The following ANKRD30A variants were observed in gnomAD, a reference collection of about 807,000 sequenced individuals.
ANKRD30A encodes ankyrin repeat domain-containing protein 30A.
A neutral mutation model predicts 166.3 loss-of-function variants in ANKRD30A; 170 were observed. That is an observed-to-expected ratio of 1.02 (90% CI 0.90 to 1.16). The LOEUF is 1.16. ANKRD30A is among the 50% of genes most tolerant of loss of function. The pLI, the probability that ANKRD30A is intolerant of heterozygous loss-of-function variation, is 0.00. For missense variants in ANKRD30A, 1,630 were observed against 1,518.0 expected (o/e 1.07, Z -1.23); for synonymous variants, 564 against 508.9 (o/e 1.11, Z -1.46).
intron 27 of ANKRD30A, among the ~76,000 whole-genome samples, chr10:37,194,314 C>G (rs1194983689): frequency 6.6e-6 from 1 of 151,934 alleles, no homozygotes; most frequent in Admixed American, 6.6e-5. Flanking sequence ...CAATTTTCTT[C>G]CTTTTTTTTG....
chr10:37,231,679 C>T lies in ANKRD30A; in HGVS notation c.*210C>T, dbSNP rs561686212. 2.2e-5 allele frequency: 8 copies of T among 364,374 alleles called. No homozygotes were observed. The South Asian group carries it at 6.0e-4, about 27-fold the overall frequency. The allele number at this position is 364,374 out of a possible 1,614,324, so 22.6% of individuals were successfully genotyped here. ...AACAGTGTGAAGAATTACTTGTTCA[C>T]GGTTAGTTATATTATCTGTCTTCCT... On this transcript the variant is annotated splice_region_variant and 3_prime_UTR_variant, in exon 35 of 36. Transcript: ENST00000361713.
intron 32 of ANKRD30A, 125 bp downstream of exon 32, chr10:37,216,519 G>C: frequency 2.3e-6 from 2 of 861,798 alleles, no homozygotes; most frequent in South Asian, 2.2e-5. Context: ...GTCTTGTAGA[G>C]TGTCAAATTC....
chr10:37,217,753 A>C lies in ANKRD30A; in HGVS notation c.3142A>C (p.Ile1048Leu). The change falls in exon 33 of 36, where the codon ATT (isoleucine) becomes CTT (leucine). Residue 1048 changes from isoleucine (I) to leucine (L), a missense_variant. This residue lies in a region of ANKRD30A where 712 missense variants were observed against 629.3 expected (regional missense o/e 1.13). Transcript: ENST00000361713. Reference protein sequence around the residue: ...RRNADILNEKIREELGRIEEQ... With the variant: ...RRNADILNEKLREELGRIEEQ... ...AAATGCCGATATATTAAATGAAAAA[A>C]TTAGGGAAGAATTAGGAAGAATCGA... 6.3e-7 allele frequency: 1 copy of C among 1,595,394 alleles called. No homozygotes were observed. Among genetic ancestry groups the C allele is most frequent in the Non-Finnish European group, 8.5e-7 (1 of 1,171,560 alleles).
In ANKRD30A at chr10:37,162,314, A is replaced by G. The variant is rs571867786; in HGVS notation, c.1901-335A>G. On this transcript the variant is annotated intron_variant, in intron 15 of 35. Coordinates refer to ENST00000361713, the MANE Select transcript of ANKRD30A (RefSeq NM_052997.3). ...TAAAGAACAGGATGAATGGAATAATATAAGTGATTCTAATGTGTTTCATTA... is the reference window on the plus strand; with the variant it reads ...TAAAGAACAGGATGAATGGAATAATGTAAGTGATTCTAATGTGTTTCATTA... Among the ~76,000 whole-genome samples the G allele has an allele frequency of 8.5e-5, 13 of 152,286 alleles. 1 individual carries two copies. Among genetic ancestry groups the G allele is most frequent in the African/African-American group, 3.1e-4 (13 of 41,556 alleles).
chr10:37,193,379 A>C, intron 27 of ANKRD30A, 121 bp downstream of exon 27: 1 of 1,243,380 alleles, frequency 8.0e-7, no homozygotes, highest in Non-Finnish European at 1.1e-6. Flanking sequence ...ATTTCGATAC[A>C]AATAATGCCA....
chr10:37,140,790 T>C (rs1450692138), intron 6 of ANKRD30A, among the ~76,000 whole-genome samples: 1 of 152,198 alleles, frequency 6.6e-6, no homozygotes, highest in Admixed American at 6.5e-5. Flanking sequence ...TAATGCATTG[T>C]ACAATATGAA....
the ANKRD30A span, chr10:37,241,962 A>G: frequency 3.9e-5 from 6 of 152,326 alleles, no homozygotes; most frequent in Middle Eastern, 6.8e-3. Context: ...TATTCCTACA[A>G]GTCAGGACAT....
Position 37,125,875 on chromosome 10 carries a change from GACTCCTACATCGTCC to G in ANKRD30A, c.93_107del (p.Tyr32_Ser36del), listed in dbSNP as rs1314237155. The stretch of plus-strand genomic sequence containing the variant: ...CAGCCAGCTAGTCTATACCAGCAAC[GACTCCTACATCGTCC>G]ACTCTGGGGATCTTAGAAAGATCCA... On this transcript the variant is annotated inframe_deletion, in exon 1 of 36. Coordinates refer to ENST00000361713, the MANE Select transcript of ANKRD30A (RefSeq NM_052997.3). 1.3e-6 allele frequency: 2 copies of G among 1,505,114 alleles called. No homozygotes were observed. Among genetic ancestry groups the G allele is most frequent in the African/African-American group, 2.8e-5 (2 of 72,412 alleles). The allele number at this position is 1,505,114 out of a possible 1,614,324, so 93.2% of individuals were successfully genotyped here. A position where few individuals can be genotyped will look rare whatever the true frequency, so the allele number is the denominator to read the frequency against.
chr10:37,178,018 A>T (rs1186095325), intron 24 of ANKRD30A, among the ~76,000 whole-genome samples: 1 of 150,762 alleles, frequency 6.6e-6, no homozygotes, highest in Non-Finnish European at 1.5e-5. Context: ...GAAAGAAGAA[A>T]GTAGTAATAG....
chr10:37,192,589 C>A (rs1276779383), intron 25 of ANKRD30A, among the ~76,000 whole-genome samples: 1 of 152,004 alleles, frequency 6.6e-6, no homozygotes, highest in Non-Finnish European at 1.5e-5. Flanking sequence ...TTCCTAAACT[C>A]CAGGACAAAT....
In ANKRD30A at chr10:37,179,013, AATATATATATATATATAT is replaced by A. The variant is rs139390228; in HGVS notation, c.2421+2829_2421+2846del. Among the ~76,000 whole-genome samples the A allele has an allele frequency of 3.6e-3, 426 of 116,806 alleles. 2 individuals are homozygous for A. Among genetic ancestry groups the A allele is most frequent in the African/African-American group, 7.0e-3 (220 of 31,346 alleles). 76.6% of individuals were successfully genotyped at this position (116,806 alleles called of 152,430 possible). A position where few individuals can be genotyped will look rare whatever the true frequency, so the allele number is the denominator to read the frequency against. On this transcript the variant is annotated intron_variant, in intron 24 of 35. Transcript: ENST00000361713. ...TTTTCTTTATTACTATGAGGCGTCA[AATATATATATATATATAT>A]ATATATATATATATATATATATATA...
chr10:37,239,655 C>T, the ANKRD30A span, among the ~76,000 whole-genome samples: 3 of 152,216 alleles, frequency 2.0e-5, no homozygotes, highest in South Asian at 6.2e-4. Flanking sequence ...GAATTAAATT[C>T]TCTAACCTTT....
intron 31 of ANKRD30A, among the ~76,000 whole-genome samples, chr10:37,210,104 C>T (rs780712435): frequency 7.9e-5 from 12 of 151,932 alleles, no homozygotes; most frequent in South Asian, 2.1e-4. Context: ...CTAATGCTAC[C>T]CCTCCCCCAG....
the ANKRD30A span, among the ~76,000 whole-genome samples, chr10:37,252,003 G>T: frequency 7.2e-5 from 11 of 152,116 alleles, no homozygotes; most frequent in African/African-American, 2.7e-4. Context: ...AGGAACCCAA[G>T]TCCATTAAGA....
Position 37,149,835 on chromosome 10 carries a change from A to G in ANKRD30A, c.1631A>G (p.Gln544Arg). 6.2e-7 allele frequency: 1 copy of G among 1,612,794 alleles called. No individual in the cohort carries two copies. Among genetic ancestry groups the G allele is most frequent in the African/African-American group, 1.3e-5 (1 of 75,006 alleles). ...AAAGCCTTTGAATTGAAGAATGAAC[A>G]AACATTGAGAGCAGGTAAATTTTTC... ...PNKAFELKNE[Q>R]TLRADPMFPP... The change falls in exon 11 of 36, where the codon CAA becomes CGA. Residue 544 changes from glutamine to arginine, a missense_variant. Gln to Arg is a conservative substitution (Grantham distance 43, BLOSUM62 1). Coordinates refer to ENST00000361713, the MANE Select transcript of ANKRD30A (RefSeq NM_052997.3).
rs549172770 is a variant in ANKRD30A at position 37,161,257 on chromosome 10, T to C, written c.1901-1392T>C. Among the ~76,000 whole-genome samples the C allele has an allele frequency of 1.2e-4, 18 of 152,242 alleles. No individual in the cohort carries two copies. The South Asian group carries it at 1.2e-3, about 11-fold the overall frequency. On this transcript the variant is annotated intron_variant, in intron 15 of 35. Coordinates refer to ENST00000361713, the MANE Select transcript of ANKRD30A (RefSeq NM_052997.3). Reference sequence around the variant, plus strand: ...TTGGATAGAAGGTCAAGACATAACATGGTCAGGAGAATGCATTATATTGCT... The same window carrying C: ...TTGGATAGAAGGTCAAGACATAACACGGTCAGGAGAATGCATTATATTGCT...
intron 18 of ANKRD30A, among the ~76,000 whole-genome samples, chr10:37,166,146 C>T (rs1839317095): frequency 6.6e-6 from 1 of 152,140 alleles, no homozygotes; most frequent in Non-Finnish European, 1.5e-5. Flanking sequence ...TAAAAGTTCT[C>T]ATCATGACAT....
the ANKRD30A span, among the ~76,000 whole-genome samples, chr10:37,258,978 A>AAAAAAAAC: frequency 2.0e-5 from 3 of 150,520 alleles, no homozygotes; most frequent in African/African-American, 2.4e-5. Flanking sequence ...AAAAAAAAAA[A>AAAAAAAAC]AAAAAAACAA....
At chr10:37,233,137 G>A (rs1843529198), downstream of ANKRD30A, among the ~76,000 whole-genome samples, 1 of 152,002 alleles carries the variant, frequency 6.6e-6, no homozygotes, top group Non-Finnish European at 1.5e-5. Context: ...AAATTCTAGA[G>A]GAGCAAATCT....
Sources: allele counts gnomAD v4.1 joint callset (sites outside exome capture counted in the v4.1 genomes callset), GRCh38; gene constraint gnomAD v4.1.1; regional missense constraint gnomAD v4.1.1; transcripts MANE v1.5; gene names NCBI Gene and HGNC (gene_info 2026-07-23, HGNC 2026-07-21).